MYO16: variants seen among roughly 807,000 people sequenced by gnomAD.
MYO16 encodes the protein unconventional myosin-XVI.
In MYO16, 94 loss-of-function variants were observed where a neutral mutation model predicts 205.3. The observed-to-expected ratio is 0.46, with a 90% confidence interval of 0.39 to 0.54. MYO16 has a LOEUF of 0.54. Ranked by LOEUF, MYO16 falls within the 20% of genes least tolerant of loss-of-function variation. The pLI, the probability that MYO16 is intolerant of heterozygous loss-of-function variation, is 0.00. For missense variants in MYO16, 2,315 were observed against 2,387.5 expected (o/e 0.97, Z 0.63); for synonymous variants, 988 against 954.0 (o/e 1.04, Z -0.66).
chr13:109,068,266 G>T (rs1290945575), intron 27 of MYO16, among the ~76,000 whole-genome samples: 1 of 152,140 alleles, frequency 6.6e-6, no homozygotes, highest in African/African-American at 2.4e-5. Context: ...CAAGCAGTTT[G>T]TTCACAAGTT....
chr13:108,584,933 G>A, the MYO16 span, among the ~76,000 whole-genome samples: 1 of 152,144 alleles, frequency 6.6e-6, no homozygotes. Context: ...TTAAGACAAA[G>A]TTAGAAATTT....
At chr13:109,005,232 T>C (rs1320872995) in intron 21 of MYO16, among the ~76,000 whole-genome samples, 1 of 152,204 alleles carries the variant, frequency 6.6e-6, no homozygotes, top group Non-Finnish European at 1.5e-5. Context: ...GGCAAGTTCT[T>C]CTTTAATTTT....
intron 4 of MYO16, among the ~76,000 whole-genome samples, chr13:108,760,693 G>A (rs536626304): frequency 1.4e-4 from 22 of 152,342 alleles, no homozygotes; most frequent in African/African-American, 4.8e-4. Flanking sequence ...GACTAAAAAA[G>A]TGAAACTCCT....
chr13:109,034,125 A>G (rs1247828459), intron 23 of MYO16, among the ~76,000 whole-genome samples: 1 of 151,952 alleles, frequency 6.6e-6, no homozygotes, highest in Non-Finnish European at 1.5e-5. Flanking sequence ...TTGAAAGTGC[A>G]TACCTAGACA....
chr13:108,683,340 TC>T (rs34097110), intron 2 of MYO16, among the ~76,000 whole-genome samples: 29,490 of 152,112 alleles, frequency 0.19, 3,542 homozygotes, highest in South Asian at 0.36. Context: ...AGCTTCCCTT[TC>T]CTTCCTTCCT....
chr13:109,073,464 A>G (rs1887991590), intron 27 of MYO16, among the ~76,000 whole-genome samples: 1 of 152,124 alleles, frequency 6.6e-6, no homozygotes, highest in Non-Finnish European at 1.5e-5. Flanking sequence ...ATTAAAAAGC[A>G]TGAAGAAAAA....
chr13:108,701,604 T>C (rs972269), intron 2 of MYO16, among the ~76,000 whole-genome samples: 109,638 of 152,044 alleles, frequency 0.72, 39,608 homozygotes, highest in East Asian at 0.86. Context: ...GTGCATTCTG[T>C]TATAGCAGCA....
chr13:108,536,658 A>G, the MYO16 span, among the ~76,000 whole-genome samples: 1 of 152,150 alleles, frequency 6.6e-6, no homozygotes, highest in Non-Finnish European at 1.5e-5. Context: ...CTTGACAATA[A>G]CTTTGGAAAT....
intron 1 of MYO16, among the ~76,000 whole-genome samples, chr13:108,651,822 G>A (rs778152957): frequency 5.9e-5 from 9 of 152,174 alleles, no homozygotes; most frequent in African/African-American, 1.2e-4. Context: ...AGGGCATAGC[G>A]TCTATATGTT....
chr13:109,188,735 C>A (rs1007466472), intron 34 of MYO16, among the ~76,000 whole-genome samples: 1 of 152,168 alleles, frequency 6.6e-6, no homozygotes. Context: ...CCAAGAGCCC[C>A]TGGCAAACCA....
chr13:108,939,796 C>T (rs1358917736), intron 16 of MYO16, among the ~76,000 whole-genome samples: 1 of 152,110 alleles, frequency 6.6e-6, no homozygotes, highest in Non-Finnish European at 1.5e-5. Flanking sequence ...CAATATAAGA[C>T]ACTGTGTGGT....
chr13:109,071,754 G>A (rs535779929), intron 27 of MYO16, among the ~76,000 whole-genome samples: 2 of 152,040 alleles, frequency 1.3e-5, no homozygotes, highest in Non-Finnish European at 2.9e-5. Flanking sequence ...TTTAAAGATT[G>A]TCTTTCCTAG....
Position 109,206,751 on chromosome 13 carries a change from C to G in MYO16, c.5558C>G (p.Pro1853Arg). The G allele has an allele frequency of 6.2e-7, 1 of 1,614,184 alleles. No individual in the cohort carries two copies. The highest frequency in any genetic ancestry group is 8.5e-7 in the Non-Finnish European group (1 of 1,180,034). ...GAGCCCAGGGTGCCTCCCCCACCAC[C>G]TTGCAAGAAGCCCAGCCTTCTGAAG... ...HAEPRVPPPP[P>R]CKKPSLLKKP... Residue 1853 changes from proline to arginine, a missense_variant, in exon 35 of 35, where the codon CCT becomes CGT. This residue lies in a region of MYO16 where 1,097 missense variants were observed against 1,092.0 expected (regional missense o/e 1.00). Transcript: ENST00000457511.
At chr13:108,939,175 C>T (rs75231410) in intron 16 of MYO16, among the ~76,000 whole-genome samples, 12,805 of 152,238 alleles carry the variant, frequency 0.084, 856 homozygotes, top group African/African-American at 0.19. Context: ...GGATTAAAAA[C>T]GGCATCCTGT....
intron 22 of MYO16, among the ~76,000 whole-genome samples, chr13:109,013,682 A>C (rs1885700030): frequency 6.6e-6 from 1 of 152,102 alleles, no homozygotes; most frequent in African/African-American, 2.4e-5. Flanking sequence ...ATGGTATCTC[A>C]TTGTGGTTTT....
chr13:109,040,434 C>G (rs1489275944), intron 23 of MYO16, among the ~76,000 whole-genome samples: 2 of 97,786 alleles, frequency 2.0e-5, no homozygotes, highest in Non-Finnish European at 2.1e-5. Context: ...AAACAAAAAA[C>G]ATCCCTCATG....
intron 32 of MYO16, among the ~76,000 whole-genome samples, chr13:109,151,378 T>C (rs1315317366): frequency 1.3e-5 from 2 of 152,158 alleles, no homozygotes; most frequent in Non-Finnish European, 2.9e-5. Context: ...ATAACACATG[T>C]TAATTATGAC....
chr13:108,615,709 A>G (rs191468837), intron 1 of MYO16, among the ~76,000 whole-genome samples: 4 of 152,304 alleles, frequency 2.6e-5, no homozygotes, highest in African/African-American at 9.6e-5. Context: ...AAGGCCACAT[A>G]TGGTATAACC....
intron 28 of MYO16, among the ~76,000 whole-genome samples, chr13:109,104,704 T>A (rs1889068983): frequency 6.6e-6 from 1 of 152,166 alleles, no homozygotes; most frequent in African/African-American, 2.4e-5. Context: ...TGGAAATGCA[T>A]GTCAAAGGAG....
Sources: gnomAD v4.1 joint callset for allele counts (sites outside exome capture counted in the v4.1 genomes callset) on GRCh38, gnomAD v4.1.1 for gene constraint, gnomAD v4.1.1 regional missense constraint, MANE v1.5 for transcripts, NCBI Gene and HGNC (gene_info 2026-07-23, HGNC 2026-07-21) for gene names.